Variants in ACTN3 observed in about 807,000 individuals in gnomAD.
ACTN3 encodes actinin alpha 3, also known as alpha-actinin-3.
A neutral mutation model predicts 119.6 loss-of-function variants in ACTN3; 91 were observed. The observed-to-expected ratio is 0.76, with a 90% CI of 0.64 to 0.91. The LOEUF is 0.91. Ranked by LOEUF, ACTN3 falls within the 40% of genes least tolerant of loss-of-function variation. The pLI, the probability that ACTN3 is intolerant of heterozygous loss-of-function variation, is 0.00. For missense variants in ACTN3, 1,221 were observed against 1,215.1 expected (o/e 1.00, Z -0.07); for synonymous variants, 456 against 478.8 (o/e 0.95, Z 0.62).
chr11:66,559,931 GGGCT>G, intron 12 of ACTN3, 33 bp from the exon 13 acceptor site: 1 of 1,556,448 alleles, frequency 6.4e-7, no homozygotes. Flanking sequence ...ATCTGGGCTG[GGGCT>G]GGCCCCACAC....
chr11:66,554,109 C>T lies in ACTN3; in HGVS notation c.447C>T (p.Ala149=), dbSNP rs766192325. 1 of 1,613,864 alleles carries T rather than the reference C, an allele frequency of 6.2e-7. No homozygotes were observed. Among genetic ancestry groups the T allele is most frequent in the Admixed American group, 1.7e-5 (1 of 59,996 alleles). Residue 149 remains alanine, a synonymous_variant, in exon 4 of 21, where the codon GCC becomes GCT. Transcript: ENST00000513398. ...TCTGGACCATCATCCTTCGCTTCGCCATCCAGGACATCTCTGTGGAAGGTG... is the reference window on the plus strand; with the variant it reads ...TCTGGACCATCATCCTTCGCTTCGCTATCCAGGACATCTCTGTGGAAGGTG... The part of the protein sequence containing the change: ...GMIWTIILRF[A]IQDISVEETS...
intron 1 of ACTN3, among the ~76,000 whole-genome samples, chr11:66,548,341 C>G (rs1003597415): frequency 6.6e-6 from 1 of 152,128 alleles, no homozygotes; most frequent in Non-Finnish European, 1.5e-5. Flanking sequence ...GCCACCTGTT[C>G]TGCAACATCT....
At chr11:66,554,713 C>T in intron 5 of ACTN3, 90 bp downstream of exon 5, 1 of 1,102,400 alleles carries the variant, frequency 9.1e-7, no homozygotes, top group South Asian at 1.5e-5. Flanking sequence ...GGGCACTGAG[C>T]TGGTCTCTGT....
Position 66,555,386 on chromosome 11 carries a change from A to T in ACTN3, c.718+19A>T. The T allele has an allele frequency of 1.2e-6, 2 of 1,612,842 alleles. No homozygotes were observed. The highest frequency in any genetic ancestry group is 1.7e-6 in the Non-Finnish European group (2 of 1,178,926). ...GCAGAAGGTGAGAGTGAGCTAGCCC[A>T]GGGGAAGACCCCACATTCTCCACAC... On this transcript the variant is annotated intron_variant, in intron 7 of 20. Coordinates refer to ENST00000513398, the MANE Select transcript of ACTN3 (RefSeq NM_001104.4).
In ACTN3 at chr11:66,554,518, C is replaced by T; in HGVS notation, c.470-18C>T. On this transcript the variant is annotated intron_variant, in intron 4 of 20. Coordinates refer to ENST00000513398, the MANE Select transcript of ACTN3 (RefSeq NM_001104.4). ...TGGACCCCTTCCCAATGAATCCTCCCACCTCCCCCCGACCCAGAAACCTCA... is the reference window on the plus strand; with the variant it reads ...TGGACCCCTTCCCAATGAATCCTCCTACCTCCCCCCGACCCAGAAACCTCA... 2 of 1,592,540 alleles carry T rather than the reference C, an allele frequency of 1.3e-6. No homozygotes were observed. The highest frequency in any genetic ancestry group is 1.3e-5 in the African/African-American group (1 of 74,308).
chr11:66,553,910 T>G (rs1590805743), intron 3 of ACTN3, 135 bp from the exon 4 acceptor site: 2 of 543,644 alleles, frequency 3.7e-6, no homozygotes, highest in Non-Finnish European at 3.3e-6. Context: ...ACCTGCTAGG[T>G]GCTCACCTAC....
rs377610342 is a variant in ACTN3 at position 66,557,245 on chromosome 11, G to T, written c.897+20G>T. The T allele has an allele frequency of 1.9e-6, 3 of 1,549,532 alleles. No individual in the cohort carries two copies. The highest frequency in any genetic ancestry group is 2.6e-6 in the Non-Finnish European group (3 of 1,145,844). On this transcript the variant is annotated intron_variant, in intron 9 of 20. Transcript: ENST00000513398. ...AGTGAGGTGAGGCTGGGCTCCCACCGTGCTCTCCCCACCCCAGCCCTACTG... is the reference window on the plus strand; with the variant it reads ...AGTGAGGTGAGGCTGGGCTCCCACCTTGCTCTCCCCACCCCAGCCCTACTG...
chr11:66,563,295 AGTGCTTCTGAATAAAGATCCCTCTCT>A lies in ACTN3; in HGVS notation c.*104_*129del. Reference sequence around the variant, plus strand: ...AAGGGCCTAAGAGAAAAGCCAGCCAAGTGCTTCTGAATAAAGATCCCTCTCTGGGTCTCTCCCCATCTCCTTTTAGT... The same window carrying A: ...AAGGGCCTAAGAGAAAAGCCAGCCAAGGGTCTCTCCCCATCTCCTTTTAGT... On this transcript the variant is annotated 3_prime_UTR_variant, in exon 21 of 21. Coordinates refer to ENST00000513398, the MANE Select transcript of ACTN3 (RefSeq NM_001104.4). 7.2e-7 allele frequency: 1 copy of A among 1,392,668 alleles called. No individual in the cohort carries two copies. Among genetic ancestry groups the A allele is most frequent in the African/African-American group, 1.4e-5 (1 of 69,336 alleles). 86.3% of individuals were successfully genotyped at this position (1,392,668 alleles called of 1,614,324 possible).
In ACTN3 at chr11:66,562,168, G is replaced by C; in HGVS notation, c.2322G>C (p.Arg774Ser). The C allele has an allele frequency of 3.7e-6, 6 of 1,613,850 alleles. No individual in the cohort carries two copies. Among genetic ancestry groups the C allele is most frequent in the Non-Finnish European group, 5.1e-6 (6 of 1,179,852 alleles). The change falls in exon 18 of 21, where the codon AGG becomes AGC. Residue 774 changes from arginine (R) to serine (S), a missense_variant and splice_region_variant. Around this residue, in one of 3 missense-constraint regions of ACTN3, gnomAD observed 934 missense variants for 899.9 expected, o/e 1.04. Coordinates refer to ENST00000513398, the MANE Select transcript of ACTN3 (RefSeq NM_001104.4). ...GAGCATCCTTCAACCACTTTGACAG[G>C]GTCAGCAGGGGCCTGGCCCTGTGGG... ...EFRASFNHFD[R>S]KQNGMMEPDD...
rs1482521048 is a variant in ACTN3 at position 66,555,291 on chromosome 11, C to T, written c.642C>T (p.Asp214=). ...LIDYAKLRKD[D]PIGNLNTAFE... ...CCTCCCTTACACCCTTCTAGGATGA[C>T]CCCATCGGAAACCTGAACACTGCCT... Residue 214 remains aspartate (D), a synonymous_variant, in exon 7 of 21, where the codon GAC becomes GAT. Transcript: ENST00000513398. 3.7e-6 allele frequency: 6 copies of T among 1,613,950 alleles called. No homozygotes were observed. In the East Asian group the frequency reaches 1.1e-4, roughly 30 times the overall value.
At position 66,559,337 on chromosome 11, in the gene ACTN3, G is replaced by A. The variant is rs1857683349; in HGVS notation, c.1378G>A (p.Ala460Thr). The A allele has an allele frequency of 6.3e-7, 1 of 1,575,674 alleles. No individual in the cohort carries two copies. The highest frequency in any genetic ancestry group is 8.6e-7 in the Non-Finnish European group (1 of 1,163,438). ...RHEAFESDLA[A>T]HQDRVEHIAA... Reference sequence around the variant, plus strand: ...CGAGGCCTTTGAGAGCGACCTGGCGGCGCACCAGGACCGCGTGGAGCACAT... The same window carrying A: ...CGAGGCCTTTGAGAGCGACCTGGCGACGCACCAGGACCGCGTGGAGCACAT... Residue 460 changes from alanine (A) to threonine (T), a missense_variant, in exon 12 of 21, where the codon GCG becomes ACG. Transcript: ENST00000513398.
chr11:66,547,022 CAGG>C lies in ACTN3; in HGVS notation c.93_95del (p.Glu31del), dbSNP rs770205749. The C allele has an allele frequency of 9.7e-5, 148 of 1,522,392 alleles. No homozygotes were observed. Among genetic ancestry groups the C allele is most frequent in the East Asian group, 1.1e-4 (5 of 44,010 alleles). 94.3% of individuals were successfully genotyped at this position (1,522,392 alleles called of 1,614,324 possible). A position where few individuals can be genotyped will look rare whatever the true frequency, so the allele number is the denominator to read the frequency against. On this transcript the variant is annotated inframe_deletion, in exon 1 of 21. Coordinates refer to ENST00000513398, the MANE Select transcript of ACTN3 (RefSeq NM_001104.4). ...CGGCGGGGGCGGCGAGTACATGGAA[CAGG>C]AGGAGGACTGGGACCGCGACCTGCT...
chr11:66,558,961 G>A (rs889812298), intron 11 of ACTN3: 3 of 349,496 alleles, frequency 8.6e-6, no homozygotes, highest in Non-Finnish European at 1.5e-5. Flanking sequence ...TTACAGAATC[G>A]TTGAGAGCTA....
At chr11:66,557,578 T>C (rs1004556890) in intron 9 of ACTN3, 121 bp from the exon 10 acceptor site, 16 of 1,018,094 alleles carry the variant, frequency 1.6e-5, no homozygotes, top group Non-Finnish European at 2.1e-5. Context: ...CCTGCTTTCG[T>C]AGTTGTCAAA....
In ACTN3 at chr11:66,557,158, G is replaced by A; in HGVS notation, c.830G>A (p.Cys277Tyr). 6.4e-7 allele frequency: 1 copy of A among 1,553,344 alleles called. No homozygotes were observed. The highest frequency in any genetic ancestry group is 1.7e-4 in the Middle Eastern group (1 of 5,990). The change falls in exon 9 of 21, where the codon TGC (cysteine) becomes TAC (tyrosine). Residue 277 changes from cysteine to tyrosine, a missense_variant. By Grantham distance (194) the Cys-to-Tyr change is radical. This residue lies in a region of ACTN3 where 934 missense variants were observed against 899.9 expected (regional missense o/e 1.04). Coordinates refer to ENST00000513398, the MANE Select transcript of ACTN3 (RefSeq NM_001104.4). The stretch of plus-strand genomic sequence containing the variant: ...GCAGAGACAGCTGCCAACAGGATCT[G>A]CAAGGTGCTGGCAGTGAACCAGGAA... ...EQAETAANRI[C>Y]KVLAVNQENE...
Position 66,556,245 on chromosome 11 carries a change from C to A in ACTN3, c.804+15C>A, listed in dbSNP as rs1226263798. On this transcript the variant is annotated intron_variant, in intron 8 of 20. Coordinates refer to ENST00000513398, the MANE Select transcript of ACTN3 (RefSeq NM_001104.4). Reference sequence around the variant, plus strand: ...GGGCTGAGCAGGTAAGGCGGCCCAACTGCTGCTGCCTGGGCTTGTGGACCC... The same window carrying A: ...GGGCTGAGCAGGTAAGGCGGCCCAAATGCTGCTGCCTGGGCTTGTGGACCC... 6.2e-7 allele frequency: 1 copy of A among 1,611,976 alleles called. No homozygotes were observed. Among genetic ancestry groups the A allele is most frequent in the Admixed American group, 1.7e-5 (1 of 59,778 alleles).
At position 66,556,999 on chromosome 11, in the gene ACTN3, G is replaced by A. The variant is rs549785978; in HGVS notation, c.805-134G>A. The A allele has an allele frequency of 3.7e-4, 244 of 662,028 alleles. 1 individual carries two copies. The highest frequency in any genetic ancestry group is 3.5e-3 in the South Asian group (199 of 56,382). The allele number at this position is 662,028 out of a possible 1,614,324, so 41.0% of individuals were successfully genotyped here. ...GATGGTTTCGATCTCCTGACCTCGT[G>A]ATCCGCCCGCCTCGGCCTCCCAAAC... On this transcript the variant is annotated intron_variant, in intron 8 of 20. Transcript: ENST00000513398.
intron 12 of ACTN3, 26 bp downstream of exon 12, chr11:66,559,412 C>T: frequency 6.9e-7 from 1 of 1,453,848 alleles, no homozygotes; most frequent in Non-Finnish European, 9.0e-7. Flanking sequence ...CGGGGCCCGC[C>T]CCCAACACCC....
chr11:66,560,856 G>C, intron 15 of ACTN3, 101 bp downstream of exon 15: 3 of 1,328,600 alleles, frequency 2.3e-6, no homozygotes, highest in African/African-American at 2.9e-5. Context: ...TCCATCTTCA[G>C]ATGTGGGGTC....
Sources: allele counts gnomAD v4.1 joint callset (sites outside exome capture counted in the v4.1 genomes callset), GRCh38; gene constraint gnomAD v4.1.1; regional missense constraint gnomAD v4.1.1; transcripts MANE v1.5; gene names NCBI Gene and HGNC (gene_info 2026-07-23, HGNC 2026-07-21).